The following LYPD5 variants were observed in gnomAD, a reference collection of about 807,000 sequenced individuals.
LYPD5 encodes ly6/PLAUR domain-containing protein 5.
Under a neutral mutation model 19.1 loss-of-function variants are expected in LYPD5, and 21 were observed. The observed-to-expected ratio is 1.10, with a 90% CI of 0.78 to 1.58. The LOEUF (loss-of-function observed/expected upper bound fraction) is 1.58. Among genes scored for constraint, LYPD5 ranks in the 40% most tolerant of loss-of-function variants. The probability of loss-of-function intolerance (pLI) is 0.00; values close to 1 mark genes in which losing one functional copy is unlikely to be tolerated. For synonymous variants in LYPD5, 128 were observed against 142.7 expected (o/e 0.90, Z 0.74); for missense variants, 287 against 329.8 (o/e 0.87, Z 1.00).
chr19:43,817,665 C>T (rs1970384559), intron 1 of LYPD5, among the ~76,000 whole-genome samples: 1 of 152,006 alleles, frequency 6.6e-6, no homozygotes, highest in Non-Finnish European at 1.5e-5. Flanking sequence ...TCCCACAGCA[C>T]AGTATTGAGT....
chr19:43,813,836 C>T (rs1483197633), intron 1 of LYPD5, among the ~76,000 whole-genome samples: 1 of 152,132 alleles, frequency 6.6e-6, no homozygotes, highest in African/African-American at 2.4e-5. Context: ...TACAAGTGCA[C>T]ACCACCAAGC....
At chr19:43,811,282 G>GAA (rs142838413) in intron 1 of LYPD5, among the ~76,000 whole-genome samples, 55 of 149,588 alleles carry the variant, frequency 3.7e-4, no homozygotes, top group African/African-American at 1.3e-3. Context: ...GAGATTGAGG[G>GAA]AAAAAAAAAT....
At chr19:43,820,575 C>G (rs950386541) in exon 1 of LYPD5, 1 of 152,392 alleles carries the variant, frequency 6.6e-6, no homozygotes, top group Non-Finnish European at 1.5e-5. Flanking sequence ...CCGCAACGCC[C>G]TCTGCGCCTC....
intron 2 of LYPD5, 106 bp from the exon 3 acceptor site, chr19:43,799,094 T>G: frequency 1.1e-6 from 1 of 906,254 alleles, no homozygotes; most frequent in Non-Finnish European, 1.5e-6. Context: ...CTACACCTCC[T>G]CCCCTCCCTC....
At chr19:43,813,919 C>T (rs1482608479) in intron 1 of LYPD5, among the ~76,000 whole-genome samples, 1 of 152,172 alleles carries the variant, frequency 6.6e-6, no homozygotes, top group Non-Finnish European at 1.5e-5. Flanking sequence ...AACTCCTGAC[C>T]TCAAGTGATT....
intron 1 of LYPD5, among the ~76,000 whole-genome samples, chr19:43,817,534 A>G (rs1703711587): frequency 6.6e-6 from 1 of 152,144 alleles, no homozygotes; most frequent in Admixed American, 6.6e-5. Flanking sequence ...AATCTACCAC[A>G]TCCACTAGCT....
chr19:43,798,210 T>G (rs1391008961), intron 4 of LYPD5, among the ~76,000 whole-genome samples: 1 of 69,162 alleles, frequency 1.4e-5, no homozygotes, highest in South Asian at 6.4e-4. Context: ...ACCAGGGTCA[T>G]GCCTCCTCCC....
chr19:43,798,455 C>G lies in LYPD5; in HGVS notation c.517G>C (p.Gly173Arg), dbSNP rs1305174387. The G allele has an allele frequency of 1.2e-6, 2 of 1,606,042 alleles. No individual in the cohort carries two copies. Among genetic ancestry groups the G allele is most frequent in the Non-Finnish European group, 8.5e-7 (1 of 1,179,986 alleles). The change falls in exon 4 of 5, where the codon GGC (glycine) becomes CGC (arginine). Residue 173 changes from glycine to arginine, a missense_variant and splice_region_variant. By Grantham distance (125) the Gly-to-Arg change is moderately radical. Coordinates refer to ENST00000377950, the MANE Select transcript of LYPD5 (RefSeq NM_001031749.3). ...CFQGNGRMTV[G>R]NFSVPVYIRT... Reference sequence around the variant, plus strand: ...CCCTTCCACCCTTCCAGCCCCTTACCAACTGTCATTCTGCCATTGCCCTGG... The same window carrying G: ...CCCTTCCACCCTTCCAGCCCCTTACGAACTGTCATTCTGCCATTGCCCTGG...
chr19:43,810,544 C>A (rs1176466481), intron 1 of LYPD5, among the ~76,000 whole-genome samples: 3 of 107,966 alleles, frequency 2.8e-5, no homozygotes, highest in Non-Finnish European at 5.9e-5. Context: ...CCCTCCCCTC[C>A]CCTCCCCTCC....
intron 1 of LYPD5, among the ~76,000 whole-genome samples, chr19:43,819,283 C>CTTTTTTTTTT (rs560659624): frequency 2.6e-4 from 29 of 110,520 alleles, no homozygotes; most frequent in Non-Finnish European, 3.4e-4. Flanking sequence ...TCTTCTTCTT[C>CTTTTTTTTTT]TTTTTTTTTT....
chr19:43,802,468 A>C (rs1599694786), upstream of LYPD5: 1 of 1,248,796 alleles, frequency 8.0e-7, no homozygotes. Flanking sequence ...CATCCCGGCC[A>C]CCCAGCCTGG....
intron 1 of LYPD5, among the ~76,000 whole-genome samples, chr19:43,820,116 C>A (rs1368473384): frequency 6.6e-6 from 1 of 152,202 alleles, no homozygotes; most frequent in Non-Finnish European, 1.5e-5. Context: ...CCAGTCCTGT[C>A]ATACACCAAG....
intron 1 of LYPD5, among the ~76,000 whole-genome samples, chr19:43,817,637 T>C (rs987810958): frequency 2.0e-5 from 3 of 152,180 alleles, no homozygotes; most frequent in Non-Finnish European, 2.9e-5. Flanking sequence ...TTGATGATGA[T>C]GCAATCTCTG....
At chr19:43,815,514 G>A (rs1485004993) in intron 1 of LYPD5, among the ~76,000 whole-genome samples, 3 of 151,812 alleles carry the variant, frequency 2.0e-5, no homozygotes, top group African/African-American at 7.3e-5. Context: ...GGTCAAGGCT[G>A]CAGTGAGCTG....
upstream of LYPD5, among the ~76,000 whole-genome samples, chr19:43,803,177 G>T (rs1970243256): frequency 6.6e-6 from 1 of 152,192 alleles, no homozygotes; most frequent in Non-Finnish European, 1.5e-5. Context: ...GACAAACCTA[G>T]AGGTGAAGAG....
At chr19:43,818,252 T>C (rs536812109) in intron 1 of LYPD5, among the ~76,000 whole-genome samples, 34 of 152,282 alleles carry the variant, frequency 2.2e-4, no homozygotes, top group Non-Finnish European at 4.4e-4. Context: ...TTAGCTTACA[T>C]TGCCTACAGG....
intron 1 of LYPD5, among the ~76,000 whole-genome samples, chr19:43,813,838 C>T (rs958876764): frequency 6.6e-6 from 1 of 152,136 alleles, no homozygotes; most frequent in African/African-American, 2.4e-5. Context: ...CAAGTGCACA[C>T]CACCAAGCCC....
At chr19:43,802,171 C>T (rs1970229803) in intron 1 of LYPD5, 146 bp downstream of exon 1, 1 of 568,686 alleles carries the variant, frequency 1.8e-6, no homozygotes, top group East Asian at 3.1e-5. Context: ...GGCCCCCAGC[C>T]CCCTCCTCCC....
At chr19:43,807,683 A>G (rs867231191) in intron 1 of LYPD5, among the ~76,000 whole-genome samples, 8 of 152,344 alleles carry the variant, frequency 5.3e-5, no homozygotes, top group South Asian at 2.1e-4. Context: ...ATTAGCATGC[A>G]GGACCTTGGG....
Sources: allele counts gnomAD v4.1 joint callset (sites outside exome capture counted in the v4.1 genomes callset), GRCh38; gene constraint gnomAD v4.1.1; transcripts MANE v1.5; gene names NCBI Gene and HGNC (gene_info 2026-07-23, HGNC 2026-07-21).